Variants in FAM163A observed in about 807,000 individuals in gnomAD.
FAM163A encodes protein FAM163A.
Under a neutral mutation model 12.0 loss-of-function variants are expected in FAM163A, and 7 were observed. The ratio of observed to expected loss-of-function variants is 0.58; its 90% CI spans 0.33 to 1.10. FAM163A has a LOEUF of 1.10. Ranked by LOEUF, FAM163A falls within the 50% of genes least tolerant of loss-of-function variation. FAM163A has a pLI of 0.03. For missense variants in FAM163A, 202 were observed against 218.6 expected, an observed-to-expected ratio of 0.92 and a Z score of 0.48; for synonymous variants, 101 against 91.0, an observed-to-expected ratio of 1.11 and a Z score of -0.62.
At chr1:179,762,529 G>A (rs1422507475) in intron 1 of FAM163A, among the ~76,000 whole-genome samples, 1 of 152,224 alleles carries the variant, frequency 6.6e-6, no homozygotes, top group East Asian at 1.9e-4. Context: ...GGGACACAGA[G>A]GAGAAGGAGG....
intron 1 of FAM163A, among the ~76,000 whole-genome samples, chr1:179,781,853 G>A (rs1689792666): frequency 6.6e-6 from 1 of 150,772 alleles, no homozygotes; most frequent in Non-Finnish European, 1.5e-5. Context: ...AGAATCGCTT[G>A]AGCCCAGGAG....
intron 1 of FAM163A, among the ~76,000 whole-genome samples, chr1:179,806,807 G>A (rs970995985): frequency 1.3e-5 from 2 of 152,108 alleles, no homozygotes; most frequent in African/African-American, 4.8e-5. Flanking sequence ...GTTATTTAAA[G>A]ATCAACACTG....
intron 1 of FAM163A, among the ~76,000 whole-genome samples, chr1:179,745,184 T>C (rs1247423123): frequency 6.6e-6 from 1 of 150,440 alleles, no homozygotes; most frequent in Admixed American, 6.6e-5. Flanking sequence ...TCTCGGAGGG[T>C]CCTGCTGGGG....
chr1:179,771,043 G>T (rs1398788929), intron 1 of FAM163A, among the ~76,000 whole-genome samples: 3 of 152,054 alleles, frequency 2.0e-5, no homozygotes, highest in Non-Finnish European at 4.4e-5. Flanking sequence ...AATCTATCCT[G>T]CTGCCCTCTG....
At position 179,813,840 on chromosome 1, in the gene FAM163A, A is replaced by G. The variant is rs755292830; in HGVS notation, c.155A>G (p.Asp52Gly). The G allele has an allele frequency of 3.1e-6, 5 of 1,613,722 alleles. No homozygotes were observed. Among genetic ancestry groups the G allele is most frequent in the South Asian group, 1.1e-5 (1 of 91,078 alleles). ...VADEEEEREH[D>G]LPTHPRGPTC... ...GACGAGGAGGAGGAGCGGGAGCACG[A>G]CCTTCCCACGCATCCCAGAGGCCCC... Residue 52 changes from aspartate (D) to glycine (G), a missense_variant, in exon 5 of 5, where the codon GAC becomes GGC. Physicochemically the swap from Asp to Gly is moderately conservative, Grantham distance 94. Transcript: ENST00000341785.
rs539478129 is a variant in FAM163A at position 179,810,320 on chromosome 1, A to G, written c.-44-1790A>G. Among the ~76,000 whole-genome samples the G allele has an allele frequency of 3.5e-4, 53 of 152,296 alleles. No individual in the cohort carries two copies. The South Asian group carries it at 8.7e-3, about 25-fold the overall frequency. On this transcript the variant is annotated intron_variant, in intron 2 of 4. Transcript: ENST00000341785. ...CAGGGGAGGCTTCTCAGAACCTTGAAGGATGGGCAGGATTTAAACAGATGG... is the reference window on the plus strand; with the variant it reads ...CAGGGGAGGCTTCTCAGAACCTTGAGGGATGGGCAGGATTTAAACAGATGG...
chr1:179,730,980 C>A, the FAM163A span, among the ~76,000 whole-genome samples: 5 of 152,130 alleles, frequency 3.3e-5, no homozygotes, highest in African/African-American at 9.7e-5. Context: ...GGTTTCTCTG[C>A]TGAGCCAGGT....
intron 1 of FAM163A, among the ~76,000 whole-genome samples, chr1:179,787,923 T>G (rs1690883527): frequency 6.6e-6 from 1 of 152,136 alleles, no homozygotes; most frequent in Non-Finnish European, 1.5e-5. Context: ...GGGTGAAATC[T>G]GGGGACCGTT....
the FAM163A span, among the ~76,000 whole-genome samples, chr1:179,734,682 C>T: frequency 2.0e-5 from 3 of 152,164 alleles, no homozygotes; most frequent in African/African-American, 7.2e-5. Context: ...AAAGGCCCCA[C>T]CTCCAAATAC....
rs145343045 is a variant in FAM163A at position 179,777,472 on chromosome 1, C to T, written c.-135-30326C>T. ...GCTCCGTGAGATCAGCCTTCGTGTGCCACCCCCCACAGACCCGAAGAGCCT... is the reference window on the plus strand; with the variant it reads ...GCTCCGTGAGATCAGCCTTCGTGTGTCACCCCCCACAGACCCGAAGAGCCT... On this transcript the variant is annotated intron_variant, in intron 1 of 4. Coordinates refer to ENST00000341785, the MANE Select transcript of FAM163A (RefSeq NM_173509.3). Among the ~76,000 whole-genome samples the T allele has an allele frequency of 4.6e-5, 7 of 152,244 alleles. No individual in the cohort carries two copies. The East Asian group carries it at 1.4e-3, about 29-fold the overall frequency.
intron 1 of FAM163A, among the ~76,000 whole-genome samples, chr1:179,779,386 T>TA (rs1689420936): frequency 6.6e-6 from 1 of 152,150 alleles, no homozygotes; most frequent in South Asian, 2.1e-4. Flanking sequence ...AGTTTGTGGT[T>TA]AAAGCAGGCC....
intron 4 of FAM163A, 42 bp from the exon 5 acceptor site, chr1:179,813,737 G>T (rs1435510161): frequency 9.9e-6 from 16 of 1,609,096 alleles, no homozygotes; most frequent in Non-Finnish European, 1.1e-5. Context: ...GGGGCGGGGG[G>T]AGCATTCACC....
At chr1:179,733,682 ACACGTGCTACCTCTCTTCTGACC>A in the FAM163A span, among the ~76,000 whole-genome samples, 11 of 152,132 alleles carry the variant, frequency 7.2e-5, no homozygotes, top group Non-Finnish European at 1.5e-4. Context: ...TCCTGTATCC[ACACGTGCTACCTCTCTTCTGACC>A]CACTTCAAAA....
At chr1:179,728,050 G>A in the FAM163A span, among the ~76,000 whole-genome samples, 1 of 152,100 alleles carries the variant, frequency 6.6e-6, no homozygotes, top group Non-Finnish European at 1.5e-5. Flanking sequence ...TGAGTGGGCA[G>A]AAAAAGGAGA....
the FAM163A span, among the ~76,000 whole-genome samples, chr1:179,728,013 T>A: frequency 1.3e-5 from 2 of 151,832 alleles, no homozygotes; most frequent in African/African-American, 4.9e-5. Context: ...AATGAGATGA[T>A]GTTAGACAAC....
chr1:179,792,100 C>T (rs1691591848), intron 1 of FAM163A, among the ~76,000 whole-genome samples: 2 of 152,148 alleles, frequency 1.3e-5, no homozygotes, highest in South Asian at 4.1e-4. Flanking sequence ...GTTTCTCAAT[C>T]TCTCTGATCT....
At chr1:179,749,657 G>A (rs1273525079) in intron 1 of FAM163A, among the ~76,000 whole-genome samples, 2 of 151,986 alleles carry the variant, frequency 1.3e-5, no homozygotes, top group African/African-American at 4.8e-5. Context: ...TTCGAGACCA[G>A]TCTGGCCAAC....
chr1:179,752,577 A>G (rs1367891148), intron 1 of FAM163A, among the ~76,000 whole-genome samples: 1 of 152,156 alleles, frequency 6.6e-6, no homozygotes, highest in Non-Finnish European at 1.5e-5. Flanking sequence ...TTTCCAAAAT[A>G]TATAAGGAAG....
chr1:179,729,446 C>A, the FAM163A span, among the ~76,000 whole-genome samples: 2 of 152,144 alleles, frequency 1.3e-5, no homozygotes, highest in African/African-American at 4.8e-5. Flanking sequence ...AATAACAGAG[C>A]AAAGCAACAA....
Sources: gnomAD v4.1 joint callset for allele counts (sites outside exome capture counted in the v4.1 genomes callset) on GRCh38, gnomAD v4.1.1 for gene constraint, MANE v1.5 for transcripts, NCBI Gene and HGNC (gene_info 2026-07-23, HGNC 2026-07-21) for gene names.